The following TRHDE variants were observed in gnomAD, a reference collection of about 807,000 sequenced individuals.
The protein encoded by TRHDE is thyrotropin-releasing hormone-degrading ectoenzyme.
In TRHDE, 72 loss-of-function variants were observed where a neutral mutation model predicts 125.7. That is an observed-to-expected ratio of 0.57 (90% CI 0.47 to 0.70). The LOEUF (loss-of-function observed/expected upper bound fraction) is 0.70, where lower values mean the gene tolerates loss of function less well. TRHDE is among the 30% of genes least tolerant of loss of function. The pLI is 0.00. For missense variants in TRHDE, 1,110 were observed against 1,327.1 expected (o/e 0.84, Z 2.54); for synonymous variants, 509 against 509.1 (o/e 1.00, Z 0.00).
rs576566651 is a variant in TRHDE, at chr12:72,106,733, A to G, written n.279+981A>G. On this transcript the variant is annotated intron_variant and non_coding_transcript_variant, in intron 2 of 4. Transcript: ENST00000548156. ...CATTGATAATTTACTTATTGCCTCT[A>G]TTTTCATTCACTCATTCATTCATTC... 4.3e-4 allele frequency among the ~76,000 whole-genome samples: 65 copies of G among 152,114 alleles called. 1 individual carries two copies. The South Asian group carries it at 0.013, about 31-fold the overall frequency.
At chr12:72,223,109 A>C (rs1375486118) in intron 2 of TRHDE, among the ~76,000 whole-genome samples, 1 of 152,108 alleles carries the variant, frequency 6.6e-6, no homozygotes, top group African/African-American at 2.4e-5. Flanking sequence ...AAGAAATTAC[A>C]AGAGGCAATC....
intron 2 of TRHDE, among the ~76,000 whole-genome samples, chr12:72,318,371 G>T (rs1042659236): frequency 6.6e-6 from 1 of 152,126 alleles, no homozygotes; most frequent in Non-Finnish European, 1.5e-5. Context: ...CTTGTAATTG[G>T]TAAAAAGCAA....
chr12:72,529,236 A>G (rs1868418247), intron 6 of TRHDE, among the ~76,000 whole-genome samples: 1 of 152,156 alleles, frequency 6.6e-6, no homozygotes, highest in African/African-American at 2.4e-5. Flanking sequence ...ATTTTCCCAG[A>G]GACTCCTGTT....
intron 17 of TRHDE, among the ~76,000 whole-genome samples, chr12:72,654,306 A>G (rs1874622591): frequency 1.3e-5 from 2 of 152,180 alleles, no homozygotes; most frequent in Admixed American, 6.5e-5. Context: ...GTCTCACTGA[A>G]TCCATGATCT....
intron 6 of TRHDE, among the ~76,000 whole-genome samples, chr12:72,503,305 T>C (rs1421374560): frequency 6.6e-6 from 1 of 152,198 alleles, no homozygotes; most frequent in Non-Finnish European, 1.5e-5. Context: ...TTCAAGGATA[T>C]GTTTCCCAGA....
At chr12:72,428,559 T>C (rs1332923194) in intron 3 of TRHDE, among the ~76,000 whole-genome samples, 1 of 152,166 alleles carries the variant, frequency 6.6e-6, no homozygotes, top group East Asian at 1.9e-4. Flanking sequence ...ATAACAGCTT[T>C]ATTTTTATTT....
At chr12:72,600,007 C>T (rs1363584495) in intron 12 of TRHDE, among the ~76,000 whole-genome samples, 1 of 152,058 alleles carries the variant, frequency 6.6e-6, no homozygotes, top group Non-Finnish European at 1.5e-5. Context: ...GGAATCCTTT[C>T]CCCATTGCTT....
chr12:72,380,830 TCTCC>T (rs1163502065), intron 3 of TRHDE, among the ~76,000 whole-genome samples: 51 of 131,088 alleles, frequency 3.9e-4, no homozygotes, highest in Non-Finnish European at 7.2e-4. Flanking sequence ...TCCCTCCCTC[TCTCC>T]CTCCCTCCCT....
At chr12:72,387,315 A>G (rs747461054) in intron 3 of TRHDE, among the ~76,000 whole-genome samples, 1 of 152,220 alleles carries the variant, frequency 6.6e-6, no homozygotes, top group African/African-American at 2.4e-5. Flanking sequence ...AAATGTATCC[A>G]GAATCTGATC....
At chr12:72,521,621 T>G (rs915751664) in intron 6 of TRHDE, among the ~76,000 whole-genome samples, 1 of 152,206 alleles carries the variant, frequency 6.6e-6, no homozygotes, top group Admixed American at 6.5e-5. Context: ...AGAGAATTTT[T>G]GGTATGTATT....
intron 2 of TRHDE, among the ~76,000 whole-genome samples, chr12:72,158,161 A>G (rs1307632434): frequency 6.6e-6 from 1 of 152,144 alleles, no homozygotes; most frequent in Non-Finnish European, 1.5e-5. Context: ...GGGAAAGAAA[A>G]GTGAGAAAAT....
intron 2 of TRHDE, among the ~76,000 whole-genome samples, chr12:72,121,626 A>G (rs749198975): frequency 2.0e-5 from 3 of 151,346 alleles, no homozygotes; most frequent in Non-Finnish European, 4.4e-5. Context: ...ATTCAAAACT[A>G]TCTTTTCTAC....
At chr12:72,224,866 T>A (rs1878092815) in intron 2 of TRHDE, among the ~76,000 whole-genome samples, 1 of 152,192 alleles carries the variant, frequency 6.6e-6, no homozygotes, top group Non-Finnish European at 1.5e-5. Flanking sequence ...ACACAAATAG[T>A]TACATTTTAA....
chr12:72,587,125 C>T (rs1007364988), intron 12 of TRHDE, among the ~76,000 whole-genome samples: 1 of 152,114 alleles, frequency 6.6e-6, no homozygotes, highest in African/African-American at 2.4e-5. Flanking sequence ...TATCCTTTTT[C>T]AACTGATAGT....
chr12:72,373,748 A>G (rs1871733490), intron 2 of TRHDE, among the ~76,000 whole-genome samples: 2 of 152,152 alleles, frequency 1.3e-5, no homozygotes, highest in South Asian at 2.1e-4. Flanking sequence ...AAAATCCTTG[A>G]TCGAGAATCT....
At chr12:72,490,382 A>T (rs1331780265) in intron 5 of TRHDE, among the ~76,000 whole-genome samples, 1 of 151,814 alleles carries the variant, frequency 6.6e-6, no homozygotes, top group Non-Finnish European at 1.5e-5. Context: ...CTTGGTAGGA[A>T]TATACAGTTA....
chr12:72,094,446 T>C (rs757478788), intron 1 of TRHDE, among the ~76,000 whole-genome samples: 3 of 152,156 alleles, frequency 2.0e-5, no homozygotes, highest in Non-Finnish European at 4.4e-5. Context: ...TACTCCCAAA[T>C]GGTAGCTGAG....
At chr12:72,162,479 T>C (rs1876656801) in intron 2 of TRHDE, among the ~76,000 whole-genome samples, 1 of 152,180 alleles carries the variant, frequency 6.6e-6, no homozygotes, top group East Asian at 1.9e-4. Flanking sequence ...AGACTCCTGA[T>C]TTATTATCTT....
At chr12:72,188,042 G>T (rs1337101086) in intron 2 of TRHDE, among the ~76,000 whole-genome samples, 1 of 152,176 alleles carries the variant, frequency 6.6e-6, no homozygotes, top group East Asian at 1.9e-4. Flanking sequence ...AAGGACATAT[G>T]TGTTAATGTT....
Sources: allele counts gnomAD v4.1 joint callset (sites outside exome capture counted in the v4.1 genomes callset), GRCh38; gene constraint gnomAD v4.1.1; transcripts MANE v1.5; gene names NCBI Gene and HGNC (gene_info 2026-07-23, HGNC 2026-07-21).